RANBP2: variants seen among roughly 807,000 people sequenced by gnomAD.
RANBP2 encodes the protein E3 SUMO-protein ligase RanBP2.
RANBP2 carries 57 observed loss-of-function variants against 303.6 expected under a neutral mutation model. The ratio of observed to expected loss-of-function variants is 0.19; its 90% CI spans 0.15 to 0.23. The LOEUF (loss-of-function observed/expected upper bound fraction) is 0.23. Ranked by LOEUF, RANBP2 falls within the 10% of genes least tolerant of loss-of-function variation. RANBP2 has a pLI of 1.00. For missense variants in RANBP2, 3,138 were observed against 3,780.8 expected, an observed-to-expected ratio of 0.83 and a Z score of 4.46; for synonymous variants, 1,167 against 1,301.5, an observed-to-expected ratio of 0.90 and a Z score of 2.23.
At chr2:109,197,851 G>A in the RANBP2 span, among the ~76,000 whole-genome samples, 1 of 152,238 alleles carries the variant, frequency 6.6e-6, no homozygotes. Context: ...AAAGGAAAAA[G>A]CCTTACTTTT....
downstream of RANBP2, chr2:108,789,032 AG>A: frequency 6.4e-7 from 1 of 1,559,484 alleles, no homozygotes; most frequent in Non-Finnish European, 8.8e-7. Context: ...GAAAGAGAAA[AG>A]GGCAGGTTAT....
the RANBP2 span, among the ~76,000 whole-genome samples, chr2:109,372,820 G>A: frequency 1.1e-4 from 17 of 152,220 alleles, no homozygotes; most frequent in Admixed American, 2.0e-4. Context: ...GGGCTTCAGA[G>A]TTGGCACCGA....
At chr2:109,610,937 G>T in the RANBP2 span, among the ~76,000 whole-genome samples, 1 of 152,176 alleles carries the variant, frequency 6.6e-6, no homozygotes, top group Non-Finnish European at 1.5e-5. Flanking sequence ...AGAATAAAGT[G>T]GGAGAAATCA....
At chr2:109,552,231 G>C in the RANBP2 span, among the ~76,000 whole-genome samples, 1 of 152,142 alleles carries the variant, frequency 6.6e-6, no homozygotes, top group Admixed American at 6.5e-5. Flanking sequence ...TCCAGGAAAC[G>C]GGTCCCTGGT....
chr2:109,130,548 G>A, the RANBP2 span, among the ~76,000 whole-genome samples: 1 of 152,128 alleles, frequency 6.6e-6, no homozygotes, highest in Admixed American at 6.5e-5. Context: ...TGGGAAGCCC[G>A]CGGGCCTCCT....
chr2:108,829,520 C>G, the RANBP2 span, among the ~76,000 whole-genome samples: 1 of 152,160 alleles, frequency 6.6e-6, no homozygotes, highest in African/African-American at 2.4e-5. Flanking sequence ...CCAAGGCAGG[C>G]GGGTCACTTG....
the RANBP2 span, among the ~76,000 whole-genome samples, chr2:108,811,485 C>T: frequency 2.0e-5 from 3 of 151,978 alleles, no homozygotes; most frequent in African/African-American, 7.3e-5. Context: ...TCAAGTGATC[C>T]TCCTGCCTCA....
At chr2:108,735,899 C>T in intron 5 of RANBP2, 137 bp downstream of exon 5, 2 of 1,520,238 alleles carry the variant, frequency 1.3e-6, no homozygotes, top group Non-Finnish European at 1.8e-6. Context: ...AAATTTTTAC[C>T]AGGATCAGTT....
chr2:109,267,164 C>T, the RANBP2 span, among the ~76,000 whole-genome samples: 4 of 152,074 alleles, frequency 2.6e-5, no homozygotes, highest in Non-Finnish European at 2.9e-5. Flanking sequence ...TGCTTCCGAT[C>T]GGTGATTTCC....
At chr2:109,543,807 G>C in the RANBP2 span, 3 of 230,522 alleles carry the variant, frequency 1.3e-5, no homozygotes, top group African/African-American at 7.0e-5. Context: ...GGTACAAGCT[G>C]AGTATCCCTT....
At chr2:109,218,700 T>G in the RANBP2 span, among the ~76,000 whole-genome samples, 9 of 152,298 alleles carry the variant, frequency 5.9e-5, no homozygotes, top group East Asian at 9.7e-4. Flanking sequence ...TTTCTTGCCC[T>G]TTCATCATGG....
the RANBP2 span, among the ~76,000 whole-genome samples, chr2:109,621,914 AAAAT>A: frequency 0.18 from 25,930 of 146,468 alleles, 2,610 homozygotes; most frequent in African/African-American, 0.28. Context: ...CTCCATCTCA[AAAAT>A]AAATAAATAA....
the RANBP2 span, among the ~76,000 whole-genome samples, chr2:108,946,729 A>G: frequency 6.6e-6 from 1 of 152,156 alleles, no homozygotes; most frequent in Non-Finnish European, 1.5e-5. Flanking sequence ...AGATCTCATG[A>G]GAACTCACTC....
the RANBP2 span, among the ~76,000 whole-genome samples, chr2:109,676,464 A>G: frequency 6.6e-6 from 1 of 152,216 alleles, no homozygotes; most frequent in Non-Finnish European, 1.5e-5. Context: ...CGGGCTGCTC[A>G]GTGTTGTTGA....
chr2:109,369,489 C>T, the RANBP2 span, among the ~76,000 whole-genome samples: 75 of 152,290 alleles, frequency 4.9e-4, no homozygotes, highest in African/African-American at 1.5e-3. Flanking sequence ...ATGCTCTTTA[C>T]GTTTTTCTGG....
the RANBP2 span, among the ~76,000 whole-genome samples, chr2:109,487,195 T>C: frequency 3.9e-5 from 6 of 152,194 alleles, no homozygotes; most frequent in Non-Finnish European, 8.8e-5. Flanking sequence ...AACATAATCT[T>C]TCAGCCCAGA....
the RANBP2 span, among the ~76,000 whole-genome samples, chr2:108,851,445 G>A: frequency 6.6e-6 from 1 of 152,072 alleles, no homozygotes; most frequent in Non-Finnish European, 1.5e-5. Flanking sequence ...GGGCTTACAG[G>A]TGCCTGCCAC....
chr2:109,547,290 A>G, the RANBP2 span, among the ~76,000 whole-genome samples: 1 of 151,938 alleles, frequency 6.6e-6, no homozygotes, highest in East Asian at 1.9e-4. Flanking sequence ...TATAGAAGGT[A>G]GAATGCAGTC....
the RANBP2 span, among the ~76,000 whole-genome samples, chr2:108,949,560 C>G: frequency 6.6e-6 from 1 of 152,178 alleles, no homozygotes; most frequent in Non-Finnish European, 1.5e-5. Context: ...CAGTGCATGA[C>G]TTGCAATTAA....
Sources: gnomAD v4.1 joint callset for allele counts (sites outside exome capture counted in the v4.1 genomes callset) on GRCh38, gnomAD v4.1.1 for gene constraint, MANE v1.5 for transcripts, NCBI Gene and HGNC (gene_info 2026-07-23, HGNC 2026-07-21) for gene names.